CSMD1: variants seen among roughly 807,000 people sequenced by gnomAD.
CSMD1 encodes CUB and Sushi multiple domains 1.
In CSMD1, 213 loss-of-function variants were observed where a neutral mutation model predicts 417.5. That is an observed-to-expected ratio of 0.51 (90% CI 0.46 to 0.57). The LOEUF is 0.57. Among genes scored for constraint, CSMD1 ranks in the 20% least tolerant of loss-of-function variants. The pLI is 0.00. For missense variants in CSMD1, 6,923 were observed against 4,529.7 expected (o/e 1.53, Z -15.17); for synonymous variants, 2,862 against 1,736.8 (o/e 1.65, Z -16.11).
chr8:4,252,349 G>C (rs1207092923), intron 3 of CSMD1, among the ~76,000 whole-genome samples: 1 of 152,164 alleles, frequency 6.6e-6, no homozygotes, highest in Admixed American at 6.5e-5. Flanking sequence ...TGTCATGCTA[G>C]CTTTTCTGTC....
At chr8:3,083,172 T>C (rs966773869) in intron 49 of CSMD1, among the ~76,000 whole-genome samples, 3 of 152,142 alleles carry the variant, frequency 2.0e-5, no homozygotes, top group Admixed American at 6.5e-5. Flanking sequence ...TTCTTCCTTA[T>C]ATATTAACTC....
intron 55 of CSMD1, among the ~76,000 whole-genome samples, chr8:2,974,930 C>T (rs546218801): frequency 6.6e-6 from 1 of 152,272 alleles, no homozygotes; most frequent in South Asian, 2.1e-4. Context: ...TTTCCATCGA[C>T]CCTTAACTAT....
At chr8:4,213,378 A>C (rs1379971189) in intron 3 of CSMD1, among the ~76,000 whole-genome samples, 1 of 152,150 alleles carries the variant, frequency 6.6e-6, no homozygotes, top group Non-Finnish European at 1.5e-5. Context: ...TATTCTTTGA[A>C]ATTTACATGC....
rs553049315 is a variant in CSMD1, at chr8:4,242,063, T to C, written c.415+177890A>G. On this transcript the variant is annotated intron_variant, in intron 3 of 69. Transcript: ENST00000635120. ...ACTTTGTGAAATGAAAAAGGGTAAA[T>C]TAACCTTTATCACCAGGCAGAATTT... 6.5e-4 allele frequency among the ~76,000 whole-genome samples: 99 copies of C among 152,298 alleles called. 2 individuals are homozygous for C. The highest frequency in any genetic ancestry group is 2.2e-3 in the African/African-American group (93 of 41,568).
At chr8:4,180,146 T>C (rs1417342963) in intron 3 of CSMD1, among the ~76,000 whole-genome samples, 2 of 152,138 alleles carry the variant, frequency 1.3e-5, no homozygotes, top group Non-Finnish European at 2.9e-5. Flanking sequence ...ACTGCGGCAC[T>C]ATTCACGACA....
intron 3 of CSMD1, among the ~76,000 whole-genome samples, chr8:4,125,156 T>A (rs1802690687): frequency 6.6e-6 from 1 of 151,834 alleles, no homozygotes; most frequent in Non-Finnish European, 1.5e-5. Context: ...AGACTTCTTG[T>A]CTCAAAAGGA....
intron 8 of CSMD1, among the ~76,000 whole-genome samples, chr8:3,598,576 A>G (rs931200): frequency 1.1e-4 from 16 of 152,216 alleles, no homozygotes; most frequent in African/African-American, 3.9e-4. Context: ...ACAGAGGAGG[A>G]CTTTTCTGTT....
chr8:4,530,407 A>G (rs539204821), intron 2 of CSMD1, among the ~76,000 whole-genome samples: 37 of 131,370 alleles, frequency 2.8e-4, no homozygotes, highest in African/African-American at 1.0e-3. Context: ...TACATTTGCC[A>G]TGGTGGTTTG....
At chr8:3,166,247 T>C (rs932777870) in intron 37 of CSMD1, among the ~76,000 whole-genome samples, 1 of 152,156 alleles carries the variant, frequency 6.6e-6, no homozygotes, top group Non-Finnish European at 1.5e-5. Context: ...TCATGTCTGT[T>C]AGGCTGGGCA....
At chr8:3,456,272 G>A (rs1252394064) in intron 12 of CSMD1, among the ~76,000 whole-genome samples, 1 of 151,700 alleles carries the variant, frequency 6.6e-6, no homozygotes, top group Non-Finnish European at 1.5e-5. Context: ...GTGGGGCGAT[G>A]CCTTGCCCTG....
chr8:4,715,291 C>T (rs190707497), intron 1 of CSMD1, among the ~76,000 whole-genome samples: 5 of 152,302 alleles, frequency 3.3e-5, no homozygotes, highest in African/African-American at 1.2e-4. Context: ...TTACTTAAAG[C>T]TAATTTGACA....
chr8:4,276,789 A>C (rs750758693), intron 3 of CSMD1, among the ~76,000 whole-genome samples: 1 of 152,158 alleles, frequency 6.6e-6, no homozygotes, highest in Non-Finnish European at 1.5e-5. Flanking sequence ...GGAAAGAAAA[A>C]TAGAACAGTG....
At chr8:3,191,073 G>A (rs1188128214) in intron 33 of CSMD1, among the ~76,000 whole-genome samples, 4 of 152,234 alleles carry the variant, frequency 2.6e-5, no homozygotes, top group Middle Eastern at 3.4e-3. Flanking sequence ...TAGTTAAGAG[G>A]GTAGATTTTT....
At chr8:3,866,750 G>A (rs555179825) in intron 5 of CSMD1, among the ~76,000 whole-genome samples, 5 of 152,128 alleles carry the variant, frequency 3.3e-5, no homozygotes, top group Admixed American at 6.5e-5. Flanking sequence ...TTCTCCTGAT[G>A]GTACAAACAT....
At chr8:3,431,416 G>C (rs559594002) in intron 12 of CSMD1, among the ~76,000 whole-genome samples, 16 of 152,070 alleles carry the variant, frequency 1.1e-4, no homozygotes, top group Non-Finnish European at 2.9e-5. Context: ...TGTATTCCCA[G>C]TTTGTCTTTT....
chr8:3,897,785 C>T (rs981965804), intron 5 of CSMD1, among the ~76,000 whole-genome samples: 1 of 152,108 alleles, frequency 6.6e-6, no homozygotes, highest in Non-Finnish European at 1.5e-5. Context: ...TTCCTTTGGC[C>T]CAGATGGGCT....
At chr8:3,176,215 C>G (rs259854) in intron 37 of CSMD1, among the ~76,000 whole-genome samples, 106,595 of 152,036 alleles carry the variant, frequency 0.7, 38,692 homozygotes, top group African/African-American at 0.9. Context: ...AATCAAAATA[C>G]TTTCTATTGT....
At chr8:3,967,588 A>C (rs1173038149) in intron 5 of CSMD1, among the ~76,000 whole-genome samples, 1 of 152,158 alleles carries the variant, frequency 6.6e-6, no homozygotes, top group East Asian at 1.9e-4. Flanking sequence ...CTCTGTGTAG[A>C]GTCAGACGGT....
intron 1 of CSMD1, among the ~76,000 whole-genome samples, chr8:4,692,645 G>T (rs901412551): frequency 2.6e-5 from 4 of 152,116 alleles, no homozygotes; most frequent in African/African-American, 9.7e-5. Context: ...AGCAGACAAG[G>T]ACTGACCAAC....
Sources: allele counts gnomAD v4.1 joint callset (sites outside exome capture counted in the v4.1 genomes callset), GRCh38; gene constraint gnomAD v4.1.1; transcripts MANE v1.5; gene names NCBI Gene and HGNC (gene_info 2026-07-23, HGNC 2026-07-21).